Variants in COL24A1 observed in about 807,000 individuals in gnomAD.
COL24A1 encodes collagen type XXIV alpha 1 chain.
A neutral mutation model predicts 253.9 loss-of-function variants in COL24A1; 224 were observed. The ratio of observed to expected loss-of-function variants is 0.88; its 90% CI spans 0.79 to 0.99. The LOEUF is 0.99. COL24A1 is among the 50% of genes least tolerant of loss of function. The probability of loss-of-function intolerance (pLI) is 0.00; values close to 1 mark genes in which losing one functional copy is unlikely to be tolerated. For missense variants in COL24A1, 2,131 were observed against 2,068.5 expected, an observed-to-expected ratio of 1.03 and a Z score of -0.59; for synonymous variants, 685 against 673.7, an observed-to-expected ratio of 1.02 and a Z score of -0.26.
intron 19 of COL24A1, among the ~76,000 whole-genome samples, chr1:86,004,625 C>T (rs971472586): frequency 1.2e-4 from 18 of 152,080 alleles, no homozygotes; most frequent in Non-Finnish European, 2.5e-4. Context: ...GGTCTAAAGA[C>T]CAAGGGGTGG....
At chr1:85,874,839 CTG>C in intron 34 of COL24A1, 137 bp from the exon 35 acceptor site, 6 of 821,888 alleles carry the variant, frequency 7.3e-6, no homozygotes, top group East Asian at 2.7e-5. Context: ...AGGAAATGGG[CTG>C]CAAAACAGCA....
At chr1:86,133,226 G>A (rs989392358) in intron 2 of COL24A1, among the ~76,000 whole-genome samples, 7 of 152,094 alleles carry the variant, frequency 4.6e-5, no homozygotes, top group Non-Finnish European at 1.0e-4. Context: ...TGCTGAAGTT[G>A]CTTATCAGCT....
intron 11 of COL24A1, 125 bp from the exon 12 acceptor site, chr1:86,046,994 A>G: frequency 1.5e-6 from 1 of 684,200 alleles, no homozygotes; most frequent in Non-Finnish European, 2.6e-6. Context: ...CTATAAACTG[A>G]TGTGATATTC....
intron 24 of COL24A1, among the ~76,000 whole-genome samples, chr1:85,942,761 A>G (rs2103199140): frequency 6.6e-6 from 1 of 152,352 alleles, no homozygotes; most frequent in Non-Finnish European, 1.5e-5. Flanking sequence ...AGTTGCATGC[A>G]GGATAATTGC....
At position 85,816,906 on chromosome 1, in the gene COL24A1, A is replaced by T; in HGVS notation, c.3844-11T>A. 1 of 1,584,442 alleles carries T rather than the reference A, an allele frequency of 6.3e-7. No individual in the cohort carries two copies. The highest frequency in any genetic ancestry group is 8.7e-7 in the Non-Finnish European group (1 of 1,153,458). ...TAGGCCTTGAAGTCCCTTGATAATT[A>T]AAAATTATTTGGATTGTAGAGATGC... On this transcript the variant is annotated splice_polypyrimidine_tract_variant and intron_variant, in intron 46 of 59. Coordinates refer to ENST00000370571, the MANE Select transcript of COL24A1 (RefSeq NM_152890.7).
rs756902132 is a variant in COL24A1 at position 85,854,578 on chromosome 1, T to A, written c.3301-5172A>T. ...GAGAAGTATGGCCATTTTACCAATA[T>A]TGATTCTTCCTATCCATGAGCATAG... On this transcript the variant is annotated intron_variant, in intron 37 of 59. Transcript: ENST00000370571. 9.9e-5 allele frequency among the ~76,000 whole-genome samples: 15 copies of A among 152,214 alleles called. 1 individual carries two copies. Among genetic ancestry groups the A allele is most frequent in the Non-Finnish European group, 1.8e-4 (12 of 68,024 alleles).
intron 38 of COL24A1, 44 bp downstream of exon 38, chr1:85,849,309 C>T (rs775327985): frequency 3.3e-6 from 5 of 1,508,278 alleles, no homozygotes; most frequent in South Asian, 1.1e-5. Flanking sequence ...GTTCTGGGCA[C>T]ATCAGAAGAA....
intron 43 of COL24A1, among the ~76,000 whole-genome samples, chr1:85,834,261 A>C (rs1424079715): frequency 6.6e-6 from 1 of 152,000 alleles, no homozygotes; most frequent in Admixed American, 6.6e-5. Flanking sequence ...TGGGGAAGAA[A>C]AAGAGATTCA....
chr1:85,773,025 C>T (rs970785897), intron 53 of COL24A1, among the ~76,000 whole-genome samples: 4 of 152,100 alleles, frequency 2.6e-5, no homozygotes, highest in African/African-American at 9.7e-5. Context: ...AGTCTTTGAT[C>T]CATCTTGAGT....
intron 24 of COL24A1, among the ~76,000 whole-genome samples, chr1:85,945,615 C>G (rs1253117153): frequency 6.8e-6 from 1 of 147,056 alleles, no homozygotes; most frequent in Non-Finnish European, 1.5e-5. Flanking sequence ...ATAGGTTGGT[C>G]TAATTATGTG....
chr1:86,081,459 T>C (rs1193972745), intron 7 of COL24A1, among the ~76,000 whole-genome samples: 1 of 152,206 alleles, frequency 6.6e-6, no homozygotes, highest in Non-Finnish European at 1.5e-5. Context: ...GTGTCTCATG[T>C]CCAGCTATTT....
At chr1:86,077,412 C>G (rs577970769) in intron 7 of COL24A1, among the ~76,000 whole-genome samples, 1 of 152,228 alleles carries the variant, frequency 6.6e-6, no homozygotes, top group African/African-American at 2.4e-5. Context: ...AGTTCAACTA[C>G]TGTGAAAGAT....
intron 19 of COL24A1, among the ~76,000 whole-genome samples, chr1:85,995,882 CT>C (rs1694745212): frequency 6.6e-6 from 1 of 152,152 alleles, no homozygotes; most frequent in Non-Finnish European, 1.5e-5. Flanking sequence ...TACCCTTTGC[CT>C]TCTACCATGG....
rs766783704 is a variant in COL24A1, at chr1:86,063,818, G to A, written c.1708-59C>T. 7.6e-4 allele frequency: 974 copies of A among 1,288,640 alleles called. 2 individuals carry two copies. The highest frequency in any genetic ancestry group is 9.4e-4 in the Non-Finnish European group (910 of 969,480). The allele number at this position is 1,288,640 out of a possible 1,614,324, so 79.8% of individuals were successfully genotyped here. A position where few individuals can be genotyped will look rare whatever the true frequency, so the allele number is the denominator to read the frequency against. ...AGTAAACTCATATAAGCCAAATAACGAAACATAGGTTGCAAGTTGCCTTAT... is the reference window on the plus strand; with the variant it reads ...AGTAAACTCATATAAGCCAAATAACAAAACATAGGTTGCAAGTTGCCTTAT... On this transcript the variant is annotated intron_variant, in intron 7 of 59. Transcript: ENST00000370571.
chr1:86,150,555 A>T (rs1346197255), intron 1 of COL24A1, among the ~76,000 whole-genome samples: 1 of 152,180 alleles, frequency 6.6e-6, no homozygotes, highest in African/African-American at 2.4e-5. Context: ...GGTAGCATAT[A>T]TGGTAGCCTT....
At chr1:86,043,778 G>A (rs535837230) in intron 12 of COL24A1, among the ~76,000 whole-genome samples, 5 of 151,992 alleles carry the variant, frequency 3.3e-5, no homozygotes, top group Non-Finnish European at 7.4e-5. Flanking sequence ...CGCCCGCCTC[G>A]GCCCCCCAAA....
intron 28 of COL24A1, among the ~76,000 whole-genome samples, chr1:85,901,575 C>T (rs1193868459): frequency 4.0e-5 from 6 of 151,796 alleles, no homozygotes; most frequent in African/African-American, 1.5e-4. Flanking sequence ...TTTGGGAGGC[C>T]AAGGCGGGTG....
chr1:86,086,053 T>C (rs1703041234), intron 7 of COL24A1, among the ~76,000 whole-genome samples: 1 of 152,218 alleles, frequency 6.6e-6, no homozygotes, highest in East Asian at 1.9e-4. Flanking sequence ...CATAACTTTC[T>C]TGCAGACATT....
chr1:85,911,419 T>G lies in COL24A1; in HGVS notation c.2577A>C (p.Leu859Phe). 2.5e-6 allele frequency: 4 copies of G among 1,612,366 alleles called. No homozygotes were observed. In the South Asian group the frequency reaches 4.4e-5, roughly 18 times the overall value. ...GKIGETGPVG[L>F]PGEVGMTGSI... is the part of the protein sequence containing the mutation. ...TTCCAGTCATCCCAACTTCTCCAGG[T>G]AAGCCAACAGGTCCCTTTTAGGAAA... The change falls in exon 25 of 60, where the codon TTA becomes TTC. Residue 859 changes from leucine to phenylalanine, a missense_variant. Transcript: ENST00000370571.
Sources: gnomAD v4.1 joint callset for allele counts (sites outside exome capture counted in the v4.1 genomes callset) on GRCh38, gnomAD v4.1.1 for gene constraint, MANE v1.5 for transcripts, NCBI Gene and HGNC (gene_info 2026-07-23, HGNC 2026-07-21) for gene names.